JPH2: variants seen among roughly 807,000 people sequenced by gnomAD.
The protein encoded by JPH2 is junctophilin-2.
In JPH2, 38 loss-of-function variants were observed where a neutral mutation model predicts 55.9. That is an observed-to-expected ratio of 0.68 (90% CI 0.52 to 0.89). JPH2 has a LOEUF of 0.89. Among genes scored for constraint, JPH2 ranks in the 40% least tolerant of loss-of-function variants. The pLI, the probability that JPH2 is intolerant of heterozygous loss-of-function variation, is 0.00. For missense variants in JPH2, 964 were observed against 1,037.6 expected (o/e 0.93, Z 0.97); for synonymous variants, 480 against 472.4 (o/e 1.02, Z -0.21).
chr20:44,118,292 C>T (rs1461127907), intron 3 of JPH2, among the ~76,000 whole-genome samples: 1 of 152,198 alleles, frequency 6.6e-6, no homozygotes, highest in Non-Finnish European at 1.5e-5. Flanking sequence ...TGGAGTGACT[C>T]TGCTGCCCTC....
rs1451851824 is a variant in JPH2, at chr20:44,133,957, A to G, written c.1170-15334T>C. Among the ~76,000 whole-genome samples the G allele has an allele frequency of 3.7e-5, 2 of 54,680 alleles. 1 individual carries two copies. The highest frequency in any genetic ancestry group is 6.3e-5 in the Non-Finnish European group (2 of 31,908). The allele number at this position is 54,680 out of a possible 152,430, so 35.9% of individuals were successfully genotyped here. ...ATATTTATTATAAATATATATAAAT[A>G]AATATATATTATAATATATAAATAT... On this transcript the variant is annotated intron_variant, in intron 2 of 5. Coordinates refer to ENST00000372980, the MANE Select transcript of JPH2 (RefSeq NM_020433.5).
chr20:44,186,383 C>A lies in JPH2; in HGVS notation c.323G>T (p.Gly108Val). 6.2e-7 allele frequency: 1 copy of A among 1,613,574 alleles called. No individual in the cohort carries two copies. Among genetic ancestry groups the A allele is most frequent in the Non-Finnish European group, 8.5e-7 (1 of 1,179,976 alleles). ...QSSSSGAKYE[G>V]TWNNGLQDGY... ...GTCTTGCAGGCCATTGTTCCAGGTG[C>A]CCTCATACTTGGCACCGCTGCTTGA... Residue 108 changes from glycine to valine, a missense_variant, in exon 1 of 6, where the codon GGC (glycine) becomes GTC (valine). Transcript: ENST00000372980.
chr20:44,172,706 C>T (rs2072707677), intron 1 of JPH2, among the ~76,000 whole-genome samples: 1 of 152,140 alleles, frequency 6.6e-6, no homozygotes, highest in African/African-American at 2.4e-5. Flanking sequence ...CCAGGCTGCT[C>T]TTGAACTCCT....
At chr20:44,143,664 C>T (rs898276182) in intron 2 of JPH2, among the ~76,000 whole-genome samples, 9 of 152,236 alleles carry the variant, frequency 5.9e-5, no homozygotes, top group Non-Finnish European at 1.2e-4. Flanking sequence ...CCTGGCATCA[C>T]CTACCAGTAA....
At position 44,162,616 on chromosome 20, in the gene JPH2, C is replaced by T. The variant is rs149968224; in HGVS notation, c.380-2209G>A. On this transcript the variant is annotated intron_variant, in intron 1 of 5. Transcript: ENST00000372980. ...TTCCTCCCATGCTGCTGGATGCTTCCTGCCCTCGAACATCAGACTCCAAGT... is the reference window on the plus strand; with the variant it reads ...TTCCTCCCATGCTGCTGGATGCTTCTTGCCCTCGAACATCAGACTCCAAGT... 3.2e-3 allele frequency among the ~76,000 whole-genome samples: 479 copies of T among 151,580 alleles called. 6 individuals carry two copies. The highest frequency in any genetic ancestry group is 0.028 in the East Asian group (144 of 5,144).
At chr20:44,155,194 T>A (rs1249707127) in intron 2 of JPH2, among the ~76,000 whole-genome samples, 1 of 152,154 alleles carries the variant, frequency 6.6e-6, no homozygotes, top group African/African-American at 2.4e-5. Context: ...TTTACAGGCA[T>A]TAGCTCGCAT....
chr20:44,146,570 C>T (rs2072495621), intron 2 of JPH2, among the ~76,000 whole-genome samples: 1 of 152,162 alleles, frequency 6.6e-6, no homozygotes, highest in South Asian at 2.1e-4. Context: ...AGTCCGGGGT[C>T]GGGGGCCTTT....
intron 1 of JPH2, among the ~76,000 whole-genome samples, chr20:44,168,932 C>T (rs1356473117): frequency 6.6e-6 from 1 of 152,116 alleles, no homozygotes; most frequent in Non-Finnish European, 1.5e-5. Context: ...GAGTGAGTTT[C>T]TGCTCTGTTA....
At chr20:44,166,691 GC>G (rs2072658151) in intron 1 of JPH2, among the ~76,000 whole-genome samples, 1 of 152,272 alleles carries the variant, frequency 6.6e-6, no homozygotes. Context: ...GACTCCTGAG[GC>G]CACCCCCACT....
intron 1 of JPH2, among the ~76,000 whole-genome samples, chr20:44,167,316 G>A (rs1170667745): frequency 1.3e-5 from 2 of 152,172 alleles, no homozygotes; most frequent in Non-Finnish European, 2.9e-5. Context: ...AAGATGCTAA[G>A]CTCCTGGCAT....
At chr20:44,132,270 T>C (rs1406025780) in intron 2 of JPH2, among the ~76,000 whole-genome samples, 4 of 151,682 alleles carry the variant, frequency 2.6e-5, no homozygotes, top group African/African-American at 7.3e-5. Flanking sequence ...CTCTTCTATA[T>C]AGAGAATATT....
At chr20:44,161,652 G>A (rs1427717980) in intron 1 of JPH2, among the ~76,000 whole-genome samples, 4 of 152,062 alleles carry the variant, frequency 2.6e-5, no homozygotes, top group Middle Eastern at 3.4e-3. Context: ...AAAGATATGT[G>A]TGTGATACTG....
intron 2 of JPH2, among the ~76,000 whole-genome samples, chr20:44,136,783 G>C (rs1288251787): frequency 2.0e-5 from 3 of 152,106 alleles, no homozygotes; most frequent in Non-Finnish European, 4.4e-5. Flanking sequence ...CCCAGTCTCA[G>C]TTTCCCCATC....
chr20:44,123,681 C>A (rs1393895159), intron 2 of JPH2, among the ~76,000 whole-genome samples: 1 of 152,208 alleles, frequency 6.6e-6, no homozygotes, highest in African/African-American at 2.4e-5. Context: ...TGACCCCCAC[C>A]CAGTATCTTC....
At chr20:44,184,455 C>T (rs1351409865) in intron 1 of JPH2, among the ~76,000 whole-genome samples, 1 of 152,154 alleles carries the variant, frequency 6.6e-6, no homozygotes, top group African/African-American at 2.4e-5. Context: ...TGTTTGGACA[C>T]ACACTCAGAG....
Position 44,106,653 on chromosome 20 carries a change from G to C in JPH2, c.*6865C>G, listed in dbSNP as rs540266123. Among the ~76,000 whole-genome samples the C allele has an allele frequency of 1.3e-5, 2 of 152,246 alleles. No homozygotes were observed. The highest frequency in any genetic ancestry group is 2.1e-4 in the South Asian group (1 of 4,820). On this transcript the variant is annotated 3_prime_UTR_variant, in exon 6 of 6. Coordinates refer to ENST00000372980, the MANE Select transcript of JPH2 (RefSeq NM_020433.5). ...GTGGCTAGGGAAGCCTCACAATCATGGTGGAAGACAAGGAGGAGCAAGTCA... is the reference window on the plus strand; with the variant it reads ...GTGGCTAGGGAAGCCTCACAATCATCGTGGAAGACAAGGAGGAGCAAGTCA...
At chr20:44,162,956 T>A (rs780214434) in intron 1 of JPH2, among the ~76,000 whole-genome samples, 2 of 151,378 alleles carry the variant, frequency 1.3e-5, no homozygotes, top group African/African-American at 2.4e-5. Flanking sequence ...AATATATACA[T>A]CCATTATGAA....
chr20:44,128,650 TA>T (rs1482197543), intron 2 of JPH2, among the ~76,000 whole-genome samples: 1 of 152,112 alleles, frequency 6.6e-6, no homozygotes, highest in Non-Finnish European at 1.5e-5. Context: ...TTTTTAAAAA[TA>T]AAAAATTGCT....
intron 1 of JPH2, among the ~76,000 whole-genome samples, chr20:44,183,146 C>T (rs1360443108): frequency 1.3e-5 from 2 of 152,192 alleles, no homozygotes; most frequent in African/African-American, 2.4e-5. Context: ...TCTACGCATG[C>T]CTACAGTGCA....
Sources: gnomAD v4.1 joint callset for allele counts (sites outside exome capture counted in the v4.1 genomes callset) on GRCh38, gnomAD v4.1.1 for gene constraint, MANE v1.5 for transcripts, NCBI Gene and HGNC (gene_info 2026-07-23, HGNC 2026-07-21) for gene names.